Variants in FABP12 observed in about 807,000 individuals in gnomAD.
FABP12 encodes the protein fatty acid-binding protein 12.
Under a neutral mutation model 13.7 loss-of-function variants are expected in FABP12, and 19 were observed. The observed-to-expected ratio is 1.39, with a 90% CI of 0.97 to 2.04. FABP12 has a LOEUF of 2.04. FABP12 is among the 30% of genes most tolerant of loss of function. The pLI is 0.00. For missense variants in FABP12, 182 were observed against 164.2 expected, an observed-to-expected ratio of 1.11 and a Z score of -0.59; for synonymous variants, 61 against 57.0, an observed-to-expected ratio of 1.07 and a Z score of -0.32.
intron 1 of FABP12, among the ~76,000 whole-genome samples, chr8:81,561,033 A>T (rs1809715271): frequency 6.6e-6 from 1 of 152,184 alleles, no homozygotes; most frequent in Non-Finnish European, 1.5e-5. Context: ...CTATGTTTGT[A>T]TCACATGTCT....
chr8:81,559,826 G>A (rs536956244), intron 1 of FABP12, among the ~76,000 whole-genome samples: 74 of 152,268 alleles, frequency 4.9e-4, no homozygotes, highest in African/African-American at 1.6e-3. Flanking sequence ...ACAGGATGAA[G>A]TGATCAACCT....
chr8:81,540,949 C>T (rs1009251397), intron 1 of FABP12, among the ~76,000 whole-genome samples: 1 of 151,928 alleles, frequency 6.6e-6, no homozygotes. Context: ...GGGTGGATCA[C>T]GAGGTCAGGA....
At chr8:81,580,282 A>T (rs1810135594) in intron 1 of FABP12, among the ~76,000 whole-genome samples, 1 of 152,224 alleles carries the variant, frequency 6.6e-6, no homozygotes, top group Non-Finnish European at 1.5e-5. Flanking sequence ...AAAATTTTTA[A>T]ATCTTATTTT....
At chr8:81,545,867 A>G (rs1585843871) in intron 1 of FABP12, among the ~76,000 whole-genome samples, 1 of 152,186 alleles carries the variant, frequency 6.6e-6, no homozygotes. Flanking sequence ...CATGGGCCGA[A>G]TCAATCCACT....
chr8:81,529,931 A>T (rs1414380581), intron 2 of FABP12, among the ~76,000 whole-genome samples: 1 of 152,136 alleles, frequency 6.6e-6, no homozygotes, highest in South Asian at 2.1e-4. Flanking sequence ...CCCCTTTGAA[A>T]ATCTGATTAA....
chr8:81,553,797 G>A (rs545416970), intron 1 of FABP12, among the ~76,000 whole-genome samples: 154 of 152,298 alleles, frequency 1.0e-3, no homozygotes, highest in African/African-American at 3.7e-3. Flanking sequence ...CTCGATGTAC[G>A]TAGTGCAGTG....
intron 4 of FABP12, among the ~76,000 whole-genome samples, chr8:81,525,531 T>A (rs939765716): frequency 6.9e-5 from 10 of 144,060 alleles, no homozygotes; most frequent in Non-Finnish European, 1.5e-4. Context: ...AAAAAAAAAA[T>A]AGATAGATAG....
chr8:81,568,522 T>C (rs1242534143), intron 1 of FABP12, among the ~76,000 whole-genome samples: 1 of 152,216 alleles, frequency 6.6e-6, no homozygotes, highest in East Asian at 1.9e-4. Context: ...CCTTGAACAC[T>C]GCTGATGGGA....
chr8:81,544,318 C>T (rs1416506493), intron 1 of FABP12, among the ~76,000 whole-genome samples: 1 of 152,230 alleles, frequency 6.6e-6, no homozygotes, highest in Non-Finnish European at 1.5e-5. Context: ...CAGGGACATG[C>T]TCCCTCTGAA....
chr8:81,577,622 A>G (rs1051753098), intron 1 of FABP12, among the ~76,000 whole-genome samples: 13 of 152,114 alleles, frequency 8.5e-5, no homozygotes, highest in African/African-American at 3.1e-4. Context: ...TTAGCTGGGC[A>G]TGGTGGCACA....
At chr8:81,549,675 A>C (rs1015047857) in intron 1 of FABP12, among the ~76,000 whole-genome samples, 5 of 152,196 alleles carry the variant, frequency 3.3e-5, no homozygotes, top group Non-Finnish European at 7.4e-5. Context: ...GGTACTGAAG[A>C]ATGAGGCTGG....
chr8:81,565,841 T>C (rs181581128), intron 1 of FABP12, among the ~76,000 whole-genome samples: 154 of 151,876 alleles, frequency 1.0e-3, no homozygotes, highest in African/African-American at 3.7e-3. Context: ...ATAAATGACA[T>C]TGAAATGAAG....
At chr8:81,556,960 C>T (rs1016105698) in intron 1 of FABP12, among the ~76,000 whole-genome samples, 4 of 149,216 alleles carry the variant, frequency 2.7e-5, no homozygotes, top group African/African-American at 4.9e-5. Flanking sequence ...CTACAACCTC[C>T]GCCTCCCAGA....
chr8:81,571,407 G>A (rs1035331145), intron 1 of FABP12, among the ~76,000 whole-genome samples: 2 of 152,192 alleles, frequency 1.3e-5, no homozygotes, highest in Non-Finnish European at 2.9e-5. Flanking sequence ...GGATGGGGGC[G>A]GCGCAGATGT....
intron 1 of FABP12, among the ~76,000 whole-genome samples, chr8:81,561,198 C>G (rs1006079640): frequency 6.6e-6 from 1 of 152,082 alleles, no homozygotes; most frequent in East Asian, 1.9e-4. Context: ...ATCTCTAAAA[C>G]AGAGTAATTA....
exon 5 of FABP12, chr8:81,525,098 A>G (rs760810562): frequency 6.3e-7 from 1 of 1,590,896 alleles, no homozygotes; most frequent in South Asian, 1.1e-5. Flanking sequence ...TCGTGTACAG[A>G]TAACACTGTT....
At chr8:81,553,758 C>T (rs1563550345) in intron 1 of FABP12, among the ~76,000 whole-genome samples, 2 of 152,158 alleles carry the variant, frequency 1.3e-5, no homozygotes, top group East Asian at 3.8e-4. Flanking sequence ...AAGGCAAAGA[C>T]CATGTTACTT....
At chr8:81,567,740 C>G (rs1434368556) in intron 1 of FABP12, among the ~76,000 whole-genome samples, 1 of 152,178 alleles carries the variant, frequency 6.6e-6, no homozygotes, top group African/African-American at 2.4e-5. Context: ...CTTCAGGACA[C>G]TGGACTGAGC....
intron 1 of FABP12, among the ~76,000 whole-genome samples, chr8:81,556,931 ATGGAGTGATCT>A (rs1809630554): frequency 7.6e-6 from 1 of 131,770 alleles, no homozygotes; most frequent in South Asian, 2.3e-4. Context: ...GTCACCCAGG[ATGGAGTGATCT>A]TGGCTCACTA....
Sources: allele counts gnomAD v4.1 joint callset (sites outside exome capture counted in the v4.1 genomes callset), GRCh38; gene constraint gnomAD v4.1.1; transcripts MANE v1.5; gene names NCBI Gene and HGNC (gene_info 2026-07-23, HGNC 2026-07-21).